The following WNK2 variants were observed in gnomAD, a reference collection of about 807,000 sequenced individuals.
WNK2 encodes serine/threonine-protein kinase WNK2.
A neutral mutation model predicts 192.1 loss-of-function variants in WNK2; 67 were observed. That is an observed-to-expected ratio of 0.35 (90% CI 0.29 to 0.43). WNK2 has a LOEUF of 0.43. Ranked by LOEUF, WNK2 falls within the 20% of genes least tolerant of loss-of-function variation. The probability of loss-of-function intolerance (pLI) is 1.00; values close to 1 mark genes in which losing one functional copy is unlikely to be tolerated. For synonymous variants in WNK2, 1,439 were observed against 1,393.9 expected (o/e 1.03, Z -0.72); for missense variants, 2,698 against 3,089.7 (o/e 0.87, Z 3.01).
chr9:93,260,618 G>A lies in WNK2; in HGVS notation c.3066+1004G>A, dbSNP rs746626475. Among the ~76,000 whole-genome samples the A allele has an allele frequency of 3.1e-4, 47 of 152,318 alleles. 1 individual carries two copies. The highest frequency in any genetic ancestry group is 4.1e-4 in the Non-Finnish European group (28 of 68,024). ...CCAGACTGGAGTAAGCTGCCCCACC[G>A]TGAGCCGTTCCTCCTGGCCATCACT... On this transcript the variant is annotated intron_variant, in intron 12 of 29. Coordinates refer to ENST00000427277, the MANE Select transcript of WNK2 (RefSeq NM_006648.4).
At chr9:93,218,479 T>C (rs1011094430) in intron 2 of WNK2, among the ~76,000 whole-genome samples, 22 of 152,260 alleles carry the variant, frequency 1.4e-4, no homozygotes, top group African/African-American at 5.3e-4. Flanking sequence ...TGTGTTCTCC[T>C]GGGGAGGAGC....
chr9:93,263,810 CGG>C, intron 15 of WNK2, 76 bp downstream of exon 15: 1 of 405,106 alleles, frequency 2.5e-6, no homozygotes, highest in South Asian at 2.0e-5. Flanking sequence ...GGGGCCGTGG[CGG>C]GGGTGTGGTG....
chr9:93,227,981 CT>C (rs1221913310), intron 2 of WNK2, among the ~76,000 whole-genome samples: 1 of 152,226 alleles, frequency 6.6e-6, no homozygotes, highest in African/African-American at 2.4e-5. Context: ...TCGAATGTTC[CT>C]TTCTAAATAG....
chr9:93,274,539 GAAAA>G (rs1350126013), intron 19 of WNK2, among the ~76,000 whole-genome samples: 1 of 115,990 alleles, frequency 8.6e-6, no homozygotes, highest in African/African-American at 3.4e-5. Context: ...AAAAAAAAAA[GAAAA>G]AAAACACATA....
intron 29 of WNK2, chr9:93,318,573 G>A: frequency 6.2e-7 from 1 of 1,612,124 alleles, no homozygotes; most frequent in African/African-American, 1.3e-5. Context: ...TAAGGTGTGT[G>A]TTGGGCATAG....
rs151191594 is a variant in WNK2 at position 93,192,438 on chromosome 9, C to T, written c.681+6828C>T. Among the ~76,000 whole-genome samples, 6 of 152,016 alleles carry T rather than the reference C, an allele frequency of 3.9e-5. No homozygotes were observed. The South Asian group carries it at 1.2e-3, about 31-fold the overall frequency. On this transcript the variant is annotated intron_variant, in intron 2 of 29. Coordinates refer to ENST00000427277, the MANE Select transcript of WNK2 (RefSeq NM_006648.4). ...AATGTGGATTTAGGGGAAGGGCAGG[C>T]CTTGGCTTGGGACATGCTTAATCTG... is the stretch of plus-strand genomic sequence containing the variant.
rs1843913150 is a variant in WNK2, at chr9:93,259,760, A to G, written c.3066+146A>G. Reference sequence around the variant, plus strand: ...GAAGAGATGTGTGTGAGGCTGAGGGAGGCGGGGGCTGGCGCCAGCGCGAGG... The same window carrying G: ...GAAGAGATGTGTGTGAGGCTGAGGGGGGCGGGGGCTGGCGCCAGCGCGAGG... On this transcript the variant is annotated intron_variant, in intron 12 of 29. Coordinates refer to ENST00000427277, the MANE Select transcript of WNK2 (RefSeq NM_006648.4). The surrounding 1 kb of genome is among the most constrained non-coding windows in gnomAD (Gnocchi z 4.8). 1.2e-5 allele frequency: 9 copies of G among 782,462 alleles called. No individual in the cohort carries two copies. Among genetic ancestry groups the G allele is most frequent in the Non-Finnish European group, 1.8e-5 (9 of 508,894 alleles). The allele number at this position is 782,462 out of a possible 1,614,324, so 48.5% of individuals were successfully genotyped here.
chr9:93,320,459 C>A lies in WNK2; in HGVS notation c.*67C>A. On this transcript the variant is annotated 3_prime_UTR_variant, in exon 30 of 30. Coordinates refer to ENST00000427277, the MANE Select transcript of WNK2 (RefSeq NM_006648.4). Reference sequence around the variant, plus strand: ...AGAAGTGACGGACCCTCAGGGCCAGCTGCTCCTCCTGTCCAGTTCACGCTG... The same window carrying A: ...AGAAGTGACGGACCCTCAGGGCCAGATGCTCCTCCTGTCCAGTTCACGCTG... 7.4e-7 allele frequency: 1 copy of A among 1,355,666 alleles called. No individual in the cohort carries two copies. The highest frequency in any genetic ancestry group is 1.5e-5 in the African/African-American group (1 of 67,658). 84.0% of individuals were successfully genotyped at this position (1,355,666 alleles called of 1,614,324 possible).
chr9:93,242,602 T>C (rs1375321368), intron 7 of WNK2, among the ~76,000 whole-genome samples: 1 of 152,254 alleles, frequency 6.6e-6, no homozygotes, highest in Non-Finnish European at 1.5e-5. Flanking sequence ...ATAGGCTATG[T>C]ACAGCGTGTA....
intron 2 of WNK2, among the ~76,000 whole-genome samples, chr9:93,208,744 C>CTTTGT (rs1833907393): frequency 1.1e-3 from 2 of 1,852 alleles, no homozygotes; most frequent in Non-Finnish European, 2.3e-3. Context: ...TGTGTGTGTT[C>CTTTGT]ATGTGTGTGC....
chr9:93,251,658 C>T (rs1245486970), intron 8 of WNK2, among the ~76,000 whole-genome samples: 2 of 152,114 alleles, frequency 1.3e-5, no homozygotes, highest in South Asian at 2.1e-4. Flanking sequence ...TGTAGTGAGC[C>T]GTGATCACAC....
At chr9:93,193,102 A>T (rs111548355) in intron 2 of WNK2, among the ~76,000 whole-genome samples, 81 of 152,218 alleles carry the variant, frequency 5.3e-4, no homozygotes, top group African/African-American at 1.9e-3. Flanking sequence ...TGCAGCCGTG[A>T]TGGGGCATCA....
At chr9:93,224,399 T>G (rs1333422722) in intron 2 of WNK2, among the ~76,000 whole-genome samples, 1 of 152,202 alleles carries the variant, frequency 6.6e-6, no homozygotes, top group Non-Finnish European at 1.5e-5. Flanking sequence ...CCTGCCATGT[T>G]CAGGGCAGGA....
At position 93,279,046 on chromosome 9, in the gene WNK2, G is replaced by C. The variant is rs559858320; in HGVS notation, c.4034-9742G>C. ...ATACTTAATGGTGAACAGCCGAAAAGCATCCCCCAAAGATTGGGAACTAGG... is the reference window on the plus strand; with the variant it reads ...ATACTTAATGGTGAACAGCCGAAAACCATCCCCCAAAGATTGGGAACTAGG... On this transcript the variant is annotated intron_variant, in intron 19 of 29. Transcript: ENST00000427277. Among the ~76,000 whole-genome samples the C allele has an allele frequency of 1.2e-4, 18 of 152,304 alleles. No homozygotes were observed. In the South Asian group the frequency reaches 3.7e-3, roughly 32 times the overall value.
chr9:93,319,462 G>T, intron 29 of WNK2: 1 of 966,264 alleles, frequency 1.0e-6, no homozygotes, highest in Non-Finnish European at 1.2e-6. Context: ...AGCACGGTCA[G>T]CTCTGCTGGT....
rs145773462 is a variant in WNK2, at chr9:93,299,191, C to T, written c.6045C>T (p.Ser2015=). 25 of 1,604,390 alleles carry T rather than the reference C, an allele frequency of 1.6e-5. No homozygotes were observed. Among genetic ancestry groups the T allele is most frequent in the East Asian group, 2.2e-5 (1 of 44,586 alleles). ...CAGTGCAGACCCAGCAGCCCTGCTC[C>T]GTCCGGGCCTCCCTGTCTTCGGACA... is the stretch of plus-strand genomic sequence containing the variant. ...GKAVQTQQPC[S]VRASLSSDIC... is the part of the protein sequence containing the mutation. Residue 2015 remains serine (S), a synonymous_variant, in exon 25 of 30, where the codon TCC becomes TCT. Transcript: ENST00000427277.
Position 93,268,666 on chromosome 9 carries a change from T to G in WNK2, c.3953T>G (p.Val1318Gly), listed in dbSNP as rs986539754. The G allele has an allele frequency of 1.9e-5, 31 of 1,613,398 alleles. 1 individual carries two copies. ...TGKRWFIICP[V>G]AEHPAPEAPE... The stretch of plus-strand genomic sequence containing the variant: ...AAGAGGTGGTTCATCATCTGTCCGG[T>G]GGCTGAGCACCCCGCCCCCGAGGCC... Residue 1318 changes from valine to glycine, a missense_variant, in exon 19 of 30, where the codon GTG becomes GGG. Transcript: ENST00000427277.
intron 24 of WNK2, among the ~76,000 whole-genome samples, chr9:93,298,768 C>T (rs1851056064): frequency 6.6e-6 from 1 of 152,228 alleles, no homozygotes; most frequent in African/African-American, 2.4e-5. Context: ...AGACAGTTCC[C>T]AGAGCTAAGG....
chr9:93,256,420 C>T lies in WNK2; in HGVS notation c.2156C>T (p.Thr719Met), dbSNP rs763571624. The T allele has an allele frequency of 1.1e-5, 17 of 1,538,422 alleles. No individual in the cohort carries two copies. The highest frequency in any genetic ancestry group is 2.4e-5 in the South Asian group (2 of 83,838). ...VLPPPSTPMP[T>M]GPGQPAPPGQ... is the part of the protein sequence containing the mutation. ...CCGCCGCCCAGCACCCCCATGCCCA[C>T]GGGCCCAGGCCAGCCAGCACCCCCC... Residue 719 changes from threonine to methionine, a missense_variant, in exon 10 of 30, where the codon ACG becomes ATG. Around this residue, in one of 7 missense-constraint regions of WNK2, gnomAD observed 893 missense variants for 909.0 expected, o/e 0.98. Transcript: ENST00000427277.
Sources: gnomAD v4.1 joint callset for allele counts (sites outside exome capture counted in the v4.1 genomes callset) on GRCh38, gnomAD v4.1.1 for gene constraint, gnomAD v4.1.1 regional missense constraint, Gnocchi (gnomAD v3.1) non-coding constraint, MANE v1.5 for transcripts, NCBI Gene and HGNC (gene_info 2026-07-23, HGNC 2026-07-21) for gene names.